The following SCN9A variants were observed in gnomAD, a reference collection of about 807,000 sequenced individuals.
The protein encoded by SCN9A is sodium voltage-gated channel alpha subunit 9, also known as sodium channel protein type 9 subunit alpha.
In SCN9A, 131 loss-of-function variants were observed where a neutral mutation model predicts 187.0. The ratio of observed to expected loss-of-function variants is 0.70; its 90% CI spans 0.61 to 0.81. The LOEUF (loss-of-function observed/expected upper bound fraction) is 0.81, where lower values mean the gene tolerates loss of function less well. SCN9A is among the 30% of genes least tolerant of loss of function. The pLI, the probability that SCN9A is intolerant of heterozygous loss-of-function variation, is 0.00. For synonymous variants in SCN9A, 809 were observed against 808.6 expected, an observed-to-expected ratio of 1.00 and a Z score of -0.01; for missense variants, 2,252 against 2,396.6, an observed-to-expected ratio of 0.94 and a Z score of 1.26.
intron 17 of SCN9A, among the ~76,000 whole-genome samples, chr2:166,268,206 A>ATGTTTT (rs1696824734): frequency 6.6e-6 from 1 of 152,006 alleles, no homozygotes; most frequent in South Asian, 2.1e-4. Context: ...ACTGAAAAAA[A>ATGTTTT]TGTTTTTGTA....
chr2:166,363,570 T>G (rs1191618681), intron 1 of SCN9A, among the ~76,000 whole-genome samples: 2 of 152,082 alleles, frequency 1.3e-5, no homozygotes, highest in African/African-American at 4.8e-5. Flanking sequence ...ATGGGAGTTC[T>G]TGAAATGGAA....
chr2:166,277,264 C>G lies in SCN9A; in HGVS notation c.2593G>C (p.Ala865Pro). The change falls in exon 16 of 27, where the codon GCT becomes CCT. Residue 865 changes from alanine to proline, a missense_variant. By Grantham distance (27) the Ala-to-Pro change is conservative. This residue lies in a region of SCN9A where 119 missense variants were observed against 188.7 expected (regional missense o/e 0.63). Coordinates refer to ENST00000642356, the MANE Select transcript of SCN9A (RefSeq NM_001365536.1). The stretch of plus-strand genomic sequence containing the variant: ...AACACTAAGGTGAGGTTACCTAGAG[C>G]CCCTACTGAGTTACCAATGATCTTA... ...LIKIIGNSVG[A>P]LGNLTLVLAI... 6.2e-7 allele frequency: 1 copy of G among 1,614,048 alleles called. No individual in the cohort carries two copies. The highest frequency in any genetic ancestry group is 8.5e-7 in the Non-Finnish European group (1 of 1,179,954).
intron 1 of SCN9A, among the ~76,000 whole-genome samples, chr2:166,313,634 T>C (rs1222125518): frequency 4.6e-5 from 7 of 152,232 alleles, no homozygotes; most frequent in Admixed American, 4.6e-4. Context: ...GTTGATCTTC[T>C]ATCTAGATCA....
At chr2:166,208,750 CT>C (rs1251218972) in intron 24 of SCN9A, among the ~76,000 whole-genome samples, 1 of 152,096 alleles carries the variant, frequency 6.6e-6, no homozygotes, top group Non-Finnish European at 1.5e-5. Flanking sequence ...GAGCCATAAG[CT>C]TTGATCAAAT....
chr2:166,274,864 A>T (rs2106464994), intron 16 of SCN9A, among the ~76,000 whole-genome samples: 1 of 151,974 alleles, frequency 6.6e-6, no homozygotes, highest in East Asian at 1.9e-4. Flanking sequence ...CACTTCAAAA[A>T]CCTCCCTTAA....
intron 1 of SCN9A, among the ~76,000 whole-genome samples, chr2:166,358,614 T>G (rs975990355): frequency 6.6e-6 from 1 of 152,306 alleles, no homozygotes; most frequent in Non-Finnish European, 1.5e-5. Context: ...CTGTTTTTGT[T>G]TCTTTTGGTT....
rs1694661476 is a variant in SCN9A at position 166,222,934 on chromosome 2, AAAAAAAACAAC to A, written c.4398+3622_4398+3632del. 1.8e-3 allele frequency among the ~76,000 whole-genome samples: 182 copies of A among 103,408 alleles called. 6 individuals carry two copies. The highest frequency in any genetic ancestry group is 6.5e-3 in the African/African-American group (153 of 23,658). 67.8% of individuals were successfully genotyped at this position (103,408 alleles called of 152,430 possible). On this transcript the variant is annotated intron_variant, in intron 24 of 26. Transcript: ENST00000642356. ...CGACAGAGCGAAACTCCGTCTCAAA[AAAAAAAACAAC>A]AAAAAAAAAAAAAAAAAAAAAAAAA...
At chr2:166,363,919 G>A (rs1304445252) in intron 1 of SCN9A, among the ~76,000 whole-genome samples, 1 of 152,012 alleles carries the variant, frequency 6.6e-6, no homozygotes, top group Non-Finnish European at 1.5e-5. Flanking sequence ...CATATGATGG[G>A]AGAAAATAAT....
At chr2:166,277,881 A>C in intron 15 of SCN9A, 1 of 336,990 alleles carries the variant, frequency 3.0e-6, no homozygotes, top group Non-Finnish European at 5.2e-6. Context: ...AAATTATTGT[A>C]CTATATTAAT....
Position 166,204,083 on chromosome 2 carries a change from C to A in SCN9A, c.4646G>T (p.Trp1549Leu). 1 of 1,612,634 alleles carries A rather than the reference C, an allele frequency of 6.2e-7. No homozygotes were observed. Among genetic ancestry groups the A allele is most frequent in the Non-Finnish European group, 8.5e-7 (1 of 1,179,128 alleles). The change falls in exon 26 of 27, where the codon TGG becomes TTG. Residue 1549 changes from tryptophan to leucine, a missense_variant. This residue lies in a region of SCN9A where 368 missense variants were observed against 408.6 expected (regional missense o/e 0.90). Coordinates refer to ENST00000642356, the MANE Select transcript of SCN9A (RefSeq NM_001365536.1). ...AAGGATTATAAAAACCACATTTATC[C>A]AATATAAAACTTCAGTCATATGTTG... ...QSQHMTEVLY[W>L]INVVFIILFT...
At chr2:166,351,865 C>T (rs1481194232) in intron 1 of SCN9A, among the ~76,000 whole-genome samples, 1 of 152,050 alleles carries the variant, frequency 6.6e-6, no homozygotes, top group Non-Finnish European at 1.5e-5. Flanking sequence ...CATCATCAAC[C>T]TGATACCATC....
chr2:166,210,055 G>C (rs968921056), intron 24 of SCN9A, among the ~76,000 whole-genome samples: 264 of 152,138 alleles, frequency 1.7e-3, no homozygotes, highest in African/African-American at 5.3e-3. Flanking sequence ...TTGGAACCAA[G>C]CCAAATGTCC....
rs1193698801 is a variant in SCN9A at position 166,228,767 on chromosome 2, C to T, written c.4130G>A (p.Ser1377Asn). Residue 1377 changes from serine to asparagine, a missense_variant, in exon 22 of 27, where the codon AGT becomes AAT. Physicochemically the swap from Ser to Asn is conservative, Grantham distance 46. Coordinates refer to ENST00000642356, the MANE Select transcript of SCN9A (RefSeq NM_001365536.1). Reference protein sequence around the residue: ...RSECFALMNVSQNVRWKNLKV... With the variant: ...RSECFALMNVNQNVRWKNLKV... ...CAGGTTTTTCCATCGCACATTTTGA[C>T]TAACATTCATAAGGGCAAAACATTC... The T allele has an allele frequency of 1.2e-6, 2 of 1,613,928 alleles. No individual in the cohort carries two copies. The highest frequency in any genetic ancestry group is 1.7e-6 in the Non-Finnish European group (2 of 1,179,854).
rs143007711 is a variant in SCN9A, at chr2:166,343,751, T to C, written c.-50-31945A>G. ...GATGGAGGTTGCAGTGAACTGTGAC[T>C]GTGCCACTGCACTCAGCCTGGGAGA... On this transcript the variant is annotated intron_variant, in intron 1 of 26. Coordinates refer to ENST00000642356, the MANE Select transcript of SCN9A (RefSeq NM_001365536.1). Among the ~76,000 whole-genome samples, 830 of 152,090 alleles carry C rather than the reference T, an allele frequency of 5.5e-3. 12 individuals carry two copies. The highest frequency in any genetic ancestry group is 5.3e-3 in the Non-Finnish European group (358 of 68,008).
At chr2:166,371,362 C>A (rs12692796) in intron 1 of SCN9A, among the ~76,000 whole-genome samples, 44,940 of 152,074 alleles carry the variant, frequency 0.3, 8,938 homozygotes, top group African/African-American at 0.57. Context: ...TCCTTCCCCA[C>A]TTTATCATGG....
intron 1 of SCN9A, among the ~76,000 whole-genome samples, chr2:166,369,691 G>A (rs529545926): frequency 1.3e-5 from 2 of 152,026 alleles, no homozygotes; most frequent in Non-Finnish European, 2.9e-5. Context: ...TCAGATAAAG[G>A]CATCACTTAC....
intron 1 of SCN9A, among the ~76,000 whole-genome samples, chr2:166,329,527 C>T (rs1038624101): frequency 2.0e-5 from 3 of 150,906 alleles, no homozygotes; most frequent in African/African-American, 7.3e-5. Flanking sequence ...ACATATCTAC[C>T]ATCTCTAGTT....
chr2:166,254,103 C>T (rs974097236), intron 17 of SCN9A, among the ~76,000 whole-genome samples: 2 of 151,208 alleles, frequency 1.3e-5, no homozygotes, highest in African/African-American at 2.4e-5. Flanking sequence ...TTTTCATATG[C>T]AGGTTTTATG....
Position 166,199,009 on chromosome 2 carries a change from T to C in SCN9A, c.5630A>G (p.Tyr1877Cys), listed in dbSNP as rs529045323. The C allele has an allele frequency of 6.8e-6, 11 of 1,614,104 alleles. No homozygotes were observed. The South Asian group carries it at 1.1e-4, about 16-fold the overall frequency. ...FMSANPSKVS[Y>C]EPITTTLKRK... ...TTTTAGTGTGGTTGTGATGGGTTCA[T>C]AGGACACTTTGGAAGGATTTGCAGA... The change falls in exon 27 of 27, where the codon TAT (tyrosine) becomes TGT (cysteine). Residue 1877 changes from tyrosine (Y) to cysteine (C), a missense_variant. Tyr to Cys is a radical substitution (Grantham distance 194). Transcript: ENST00000642356.
Sources: gnomAD v4.1 joint callset for allele counts (sites outside exome capture counted in the v4.1 genomes callset) on GRCh38, gnomAD v4.1.1 for gene constraint, gnomAD v4.1.1 regional missense constraint, MANE v1.5 for transcripts, NCBI Gene and HGNC (gene_info 2026-07-23, HGNC 2026-07-21) for gene names.